The following PAPOLA variants were observed in gnomAD, a reference collection of about 807,000 sequenced individuals.
The protein encoded by PAPOLA is poly(A) polymerase alpha.
PAPOLA carries 15 observed loss-of-function variants against 100.6 expected under a neutral mutation model. The ratio of observed to expected loss-of-function variants is 0.15; its 90% confidence interval spans 0.10 to 0.23. The LOEUF (loss-of-function observed/expected upper bound fraction) is 0.23. Among genes scored for constraint, PAPOLA ranks in the 10% least tolerant of loss-of-function variants. PAPOLA has a pLI of 1.00. For synonymous variants in PAPOLA, 293 were observed against 300.0 expected, an observed-to-expected ratio of 0.98 and a Z score of 0.24; for missense variants, 533 against 884.2, an observed-to-expected ratio of 0.60 and a Z score of 5.04.
At chr14:96,516,646 A>G (rs1019485128) in intron 1 of PAPOLA, among the ~76,000 whole-genome samples, 3 of 152,216 alleles carry the variant, frequency 2.0e-5, no homozygotes, top group Non-Finnish European at 4.4e-5. Flanking sequence ...GCTCATATAT[A>G]TTCTTTCTTG....
intron 16 of PAPOLA, among the ~76,000 whole-genome samples, chr14:96,551,692 A>G (rs1900862327): frequency 6.6e-6 from 1 of 152,236 alleles, no homozygotes; most frequent in African/African-American, 2.4e-5. Flanking sequence ...ATATTACAGT[A>G]GTACCAAATA....
chr14:96,553,946 G>C (rs1901074746), intron 17 of PAPOLA, among the ~76,000 whole-genome samples: 1 of 152,108 alleles, frequency 6.6e-6, no homozygotes, highest in South Asian at 2.1e-4. Flanking sequence ...ATGTTTTTAG[G>C]CAAATCATGC....
At position 96,534,653 on chromosome 14, in the gene PAPOLA, T is replaced by C. The variant is rs1899361259; in HGVS notation, c.909+90T>C. 4 of 1,601,034 alleles carry C rather than the reference T, an allele frequency of 2.5e-6. No homozygotes were observed. The East Asian group carries it at 9.0e-5, about 36-fold the overall frequency. Reference sequence around the variant, plus strand: ...TAAACTCCAGGGAGACTTCCAGCCTTTTACTTATGAATGGTCATGTCCGTA... The same window carrying C: ...TAAACTCCAGGGAGACTTCCAGCCTCTTACTTATGAATGGTCATGTCCGTA... On this transcript the variant is annotated intron_variant, in intron 10 of 21. Transcript: ENST00000216277.
chr14:96,533,022 T>G, intron 9 of PAPOLA: 7 of 986,906 alleles, frequency 7.1e-6, no homozygotes, highest in Non-Finnish European at 8.4e-6. Context: ...GGCCATTAGT[T>G]TCTTGTGATT....
At chr14:96,505,967 G>A (rs908260756) in intron 1 of PAPOLA, among the ~76,000 whole-genome samples, 16 of 152,132 alleles carry the variant, frequency 1.1e-4, no homozygotes, top group African/African-American at 3.1e-4. Context: ...GCAGTGGAGC[G>A]ATCTCGGCTC....
intron 1 of PAPOLA, chr14:96,502,907 G>C: frequency 2.6e-6 from 1 of 379,968 alleles, no homozygotes; most frequent in Non-Finnish European, 4.7e-6. Flanking sequence ...TCTCCGCCCC[G>C]TCCACAAAGA....
In PAPOLA at chr14:96,534,693, A is replaced by G. The variant is rs1433766097; in HGVS notation, c.909+130A>G. On this transcript the variant is annotated intron_variant, in intron 10 of 21. Coordinates refer to ENST00000216277, the MANE Select transcript of PAPOLA (RefSeq NM_032632.5). ...TCATGTCCGTATTACACTTTCTTTT[A>G]GATAACCTCAACTATAATTGTCCTC... is the stretch of plus-strand genomic sequence containing the variant. 4 of 1,502,582 alleles carry G rather than the reference A, an allele frequency of 2.7e-6. No individual in the cohort carries two copies. In the Admixed American group the frequency reaches 7.0e-5, roughly 26 times the overall value. The allele number at this position is 1,502,582 out of a possible 1,614,324, so 93.1% of individuals were successfully genotyped here. A position where few individuals can be genotyped will look rare whatever the true frequency, so the allele number is the denominator to read the frequency against.
chr14:96,524,394 A>G (rs1226890914), intron 3 of PAPOLA, among the ~76,000 whole-genome samples: 1 of 152,204 alleles, frequency 6.6e-6, no homozygotes, highest in Admixed American at 6.5e-5. Flanking sequence ...TTTCTAAATT[A>G]CTTCACTAAA....
chr14:96,525,824 C>T (rs548177325), intron 4 of PAPOLA, among the ~76,000 whole-genome samples: 2 of 152,274 alleles, frequency 1.3e-5, no homozygotes, highest in South Asian at 4.1e-4. Flanking sequence ...TGTTCAGTAG[C>T]CACATATGGC....
intron 1 of PAPOLA, among the ~76,000 whole-genome samples, chr14:96,518,367 G>A (rs550902583): frequency 6.6e-6 from 1 of 152,078 alleles, no homozygotes; most frequent in Admixed American, 6.5e-5. Context: ...TGTATCATAA[G>A]CCTTACTTGC....
At chr14:96,530,766 G>A (rs1451692452) in intron 6 of PAPOLA, among the ~76,000 whole-genome samples, 6 of 152,120 alleles carry the variant, frequency 3.9e-5, no homozygotes, top group Non-Finnish European at 8.8e-5. Flanking sequence ...GAGGGACATT[G>A]TCGTGTTCAT....
chr14:96,540,385 G>T (rs1224066477), intron 12 of PAPOLA, among the ~76,000 whole-genome samples: 1 of 148,968 alleles, frequency 6.7e-6, no homozygotes, highest in Non-Finnish European at 1.5e-5. Flanking sequence ...GTACTTTCGT[G>T]AGAGAGCTCT....
chr14:96,533,845 G>A (rs1253089075), intron 9 of PAPOLA: 1 of 982,984 alleles, frequency 1.0e-6, no homozygotes, highest in Non-Finnish European at 1.2e-6. Flanking sequence ...GAGCCACCGC[G>A]TCCGGCTGTC....
chr14:96,563,495 A>G (rs1000606298), intron 21 of PAPOLA, among the ~76,000 whole-genome samples: 12 of 152,142 alleles, frequency 7.9e-5, no homozygotes, highest in Non-Finnish European at 1.2e-4. Context: ...TTTCACATGA[A>G]TGAACCCTAA....
intron 21 of PAPOLA, among the ~76,000 whole-genome samples, chr14:96,564,412 A>G (rs1240273340): frequency 6.6e-6 from 1 of 152,096 alleles, no homozygotes; most frequent in Non-Finnish European, 1.5e-5. Context: ...TTTAGTGTTA[A>G]AGAACGCTTG....
intron 1 of PAPOLA, among the ~76,000 whole-genome samples, chr14:96,519,052 A>G (rs1360572411): frequency 1.3e-5 from 2 of 151,916 alleles, no homozygotes; most frequent in African/African-American, 2.4e-5. Flanking sequence ...GCGAGACTCC[A>G]TCTCAAAAAA....
rs1037958559 is a variant in PAPOLA, at chr14:96,508,057, G to C, written c.8+5457G>C. Among the ~76,000 whole-genome samples the C allele has an allele frequency of 2.0e-5, 3 of 152,056 alleles. No homozygotes were observed. In the South Asian group the frequency reaches 6.2e-4, roughly 32 times the overall value. On this transcript the variant is annotated intron_variant, in intron 1 of 21. Transcript: ENST00000216277. ...CGTCCAGCTAATTTTTGTATTTTTA[G>C]TAGAGACAGAGTTTCCCTGTATTGG... is the stretch of plus-strand genomic sequence containing the variant.
Position 96,563,644 on chromosome 14 carries a change from C to T in PAPOLA, c.2142+751C>T, listed in dbSNP as rs186544326. Among the ~76,000 whole-genome samples the T allele has an allele frequency of 2.2e-3, 333 of 152,208 alleles. 2 individuals carry two copies. The highest frequency in any genetic ancestry group is 7.6e-3 in the African/African-American group (317 of 41,548). On this transcript the variant is annotated intron_variant, in intron 21 of 21. Coordinates refer to ENST00000216277, the MANE Select transcript of PAPOLA (RefSeq NM_032632.5). ...TGTACTATGATGATATTTTGCTGCT[C>T]CTGTGCAGCTCCGAGTTATTTTAAC...
intron 17 of PAPOLA, among the ~76,000 whole-genome samples, 167 bp from the exon 18 acceptor site, chr14:96,555,680 A>T (rs776083591): frequency 1.6e-4 from 24 of 152,194 alleles, no homozygotes; most frequent in Non-Finnish European, 2.2e-4. Flanking sequence ...TACTGTTGTT[A>T]TACTTTATCC....
Sources: allele counts gnomAD v4.1 joint callset (sites outside exome capture counted in the v4.1 genomes callset), GRCh38; gene constraint gnomAD v4.1.1; transcripts MANE v1.5; gene names NCBI Gene and HGNC (gene_info 2026-07-23, HGNC 2026-07-21).